The following SLC9A7 variants were observed in gnomAD, a reference collection of about 807,000 sequenced individuals.
The protein encoded by SLC9A7 is solute carrier family 9 member A7.
A neutral mutation model predicts 52.6 loss-of-function variants in SLC9A7; 19 were observed. The observed-to-expected ratio is 0.36, with a 90% CI of 0.25 to 0.53. The LOEUF (loss-of-function observed/expected upper bound fraction) is 0.53, where lower values mean the gene tolerates loss of function less well. SLC9A7 is among the 20% of genes least tolerant of loss of function. SLC9A7 has a pLI of 0.91. For synonymous variants in SLC9A7, 226 were observed against 252.1 expected (o/e 0.90, Z 0.98); for missense variants, 455 against 597.9 (o/e 0.76, Z 2.49).
chrX:46,606,605 G>A lies in SLC9A7; in HGVS notation c.*347C>T. ...TACTGAGATGCAGCCTCTCATGGGAGGAATCCCCCCACCCAGCACCTGCCT... is the reference window on the plus strand; with the variant it reads ...TACTGAGATGCAGCCTCTCATGGGAAGAATCCCCCCACCCAGCACCTGCCT... On this transcript the variant is annotated 3_prime_UTR_variant, in exon 17 of 17. Transcript: ENST00000616978. 1.1e-6 allele frequency: 1 copy of A among 896,791 alleles called. No homozygotes were observed. The allele number at this position is 896,791 out of a possible 1,213,427, so 73.9% of individuals were successfully genotyped here. A position where few individuals can be genotyped will look rare whatever the true frequency, so the allele number is the denominator to read the frequency against.
chrX:46,710,290 C>G (rs1944667505), intron 1 of SLC9A7, among the ~76,000 whole-genome samples: 1 of 111,807 alleles, frequency 8.9e-6, no homozygotes, highest in Non-Finnish European at 1.9e-5. Flanking sequence ...AGTGGGAAGA[C>G]AGAAGGACTG....
intron 1 of SLC9A7, among the ~76,000 whole-genome samples, chrX:46,701,684 A>G (rs752460814): frequency 8.9e-6 from 1 of 112,094 alleles, no homozygotes; most frequent in East Asian, 2.8e-4. Context: ...AAAGTATACC[A>G]TAATTGGGAA....
intron 16 of SLC9A7, among the ~76,000 whole-genome samples, chrX:46,607,829 G>A (rs770390229): frequency 9.0e-6 from 1 of 111,522 alleles, no homozygotes; most frequent in African/African-American, 3.3e-5. Context: ...GGTAGCGAGA[G>A]TGTCGGAGAC....
intron 16 of SLC9A7, 43 bp from the exon 17 acceptor site, chrX:46,607,246 A>C (rs184463162): frequency 8.4e-7 from 1 of 1,184,625 alleles, no homozygotes; most frequent in Non-Finnish European, 1.1e-6. Context: ...TGAGAGACTG[A>C]TATCTTCCAG....
intron 1 of SLC9A7, among the ~76,000 whole-genome samples, chrX:46,702,201 T>C (rs1439923499): frequency 8.9e-6 from 1 of 112,228 alleles, no homozygotes; most frequent in African/African-American, 3.2e-5. Context: ...ACATTTTCTT[T>C]CTGCCTCTCT....
At chrX:46,705,402 C>T (rs1944589038) in intron 1 of SLC9A7, among the ~76,000 whole-genome samples, 1 of 112,138 alleles carries the variant, frequency 8.9e-6, no homozygotes, top group African/African-American at 3.2e-5. Flanking sequence ...TCAAGCTTTC[C>T]TGGAAGCATC....
chrX:46,698,754 A>G lies in SLC9A7; in HGVS notation c.326-16219T>C, dbSNP rs5952924. Among the ~76,000 whole-genome samples, 773 of 111,845 alleles carry G rather than the reference A, an allele frequency of 6.9e-3. 9 individuals are homozygous for G. Among genetic ancestry groups the G allele is most frequent in the African/African-American group, 0.023 (708 of 30,760 alleles). On this transcript the variant is annotated intron_variant, in intron 1 of 16. Transcript: ENST00000616978. ...TTAAGAATTAACATATTACCTTTTC[A>G]ATAATTTCTTGGGGAAAGGGATTTG...
At chrX:46,674,912 C>T (rs1944085116) in intron 3 of SLC9A7, among the ~76,000 whole-genome samples, 1 of 111,531 alleles carries the variant, frequency 9.0e-6, no homozygotes, top group Non-Finnish European at 1.9e-5. Flanking sequence ...TACCTGATAT[C>T]CCAATTCCTA....
At chrX:46,733,236 C>CA (rs1049809141) in intron 1 of SLC9A7, among the ~76,000 whole-genome samples, 9 of 111,208 alleles carry the variant, frequency 8.1e-5, no homozygotes, top group Non-Finnish European at 1.7e-4. Flanking sequence ...TCAGGAAGCA[C>CA]AAAAATAGGC....
chrX:46,614,607 C>T (rs772860478), intron 15 of SLC9A7, among the ~76,000 whole-genome samples: 1 of 111,915 alleles, frequency 8.9e-6, no homozygotes, highest in East Asian at 2.8e-4. Context: ...GCAAACTTGT[C>T]CACTGCTCTA....
chrX:46,721,394 C>T (rs1944858107), intron 1 of SLC9A7, among the ~76,000 whole-genome samples: 1 of 111,730 alleles, frequency 9.0e-6, no homozygotes, highest in Non-Finnish European at 1.9e-5. Context: ...CAAATAGTTC[C>T]CCTCGGTCAT....
At chrX:46,663,688 C>T (rs1396577609) in intron 5 of SLC9A7, among the ~76,000 whole-genome samples, 4 of 81,851 alleles carry the variant, frequency 4.9e-5, no homozygotes, top group East Asian at 8.0e-4. Context: ...GGGCCAGGTG[C>T]GGTGGCTCAC....
At chrX:46,686,784 A>G (rs969303610) in intron 1 of SLC9A7, among the ~76,000 whole-genome samples, 1 of 112,087 alleles carries the variant, frequency 8.9e-6, no homozygotes, top group Non-Finnish European at 1.9e-5. Context: ...TGATAAAGAG[A>G]CAATCACTGA....
chrX:46,614,462 G>T (rs771578605), intron 15 of SLC9A7, among the ~76,000 whole-genome samples: 1 of 111,811 alleles, frequency 8.9e-6, no homozygotes, highest in Non-Finnish European at 1.9e-5. Context: ...ACACTATATC[G>T]TAAAGTTGAA....
chrX:46,672,730 T>C, intron 3 of SLC9A7, 103 bp from the exon 4 acceptor site: 1 of 558,672 alleles, frequency 1.8e-6, no homozygotes, highest in Non-Finnish European at 2.9e-6. Context: ...CTCTACTTAC[T>C]GTTTCCATTA....
chrX:46,625,201 TG>T (rs1943105576), intron 14 of SLC9A7, among the ~76,000 whole-genome samples: 1 of 110,433 alleles, frequency 9.1e-6, no homozygotes, highest in Non-Finnish European at 1.9e-5. Flanking sequence ...TATTAAAAGA[TG>T]TTTTTAAAAG....
At chrX:46,702,530 C>T (rs765542960) in intron 1 of SLC9A7, among the ~76,000 whole-genome samples, 1 of 111,587 alleles carries the variant, frequency 9.0e-6, no homozygotes, top group Non-Finnish European at 1.9e-5. Flanking sequence ...TGAGAACATG[C>T]AGTAGTTGGT....
At chrX:46,715,604 G>C (rs1389415959) in intron 1 of SLC9A7, among the ~76,000 whole-genome samples, 12 of 111,880 alleles carry the variant, frequency 1.1e-4, no homozygotes. Flanking sequence ...CGCACAGAGT[G>C]TATTTTTCAG....
At position 46,604,951 on chromosome X, in the gene SLC9A7, G is replaced by A. The variant is rs1249400498; in HGVS notation, c.*2001C>T. ...TTAAATGACTGATTTCACTACGGGT[G>A]GACTAGACTGGGACACAATATTTTG... On this transcript the variant is annotated 3_prime_UTR_variant, in exon 17 of 17. Coordinates refer to ENST00000616978, the MANE Select transcript of SLC9A7 (RefSeq NM_001257291.2). 5 of 111,367 alleles carry A rather than the reference G, an allele frequency of 4.5e-5. No individual in the cohort carries two copies. The highest frequency in any genetic ancestry group is 9.5e-5 in the Admixed American group (1 of 10,477). 9.2% of individuals were successfully genotyped at this position (111,367 alleles called of 1,213,427 possible).
Sources: allele counts gnomAD v4.1 joint callset (sites outside exome capture counted in the v4.1 genomes callset), GRCh38; gene constraint gnomAD v4.1.1; transcripts MANE v1.5; gene names NCBI Gene and HGNC (gene_info 2026-07-23, HGNC 2026-07-21).